The following PKHD1 variants were observed in gnomAD, a reference collection of about 807,000 sequenced individuals.
PKHD1 encodes the protein fibrocystin.
In PKHD1, 291 loss-of-function variants were observed where a neutral mutation model predicts 412.0. The observed-to-expected ratio is 0.71, with a 90% CI of 0.64 to 0.78. The LOEUF is 0.78. Ranked by LOEUF, PKHD1 falls within the 30% of genes least tolerant of loss-of-function variation. The pLI is 0.00. For missense variants in PKHD1, 4,825 were observed against 4,950.7 expected (o/e 0.97, Z 0.76); for synonymous variants, 1,777 against 1,821.5 (o/e 0.98, Z 0.62).
chr6:51,670,205 G>T (rs902597721), intron 60 of PKHD1, among the ~76,000 whole-genome samples: 15 of 151,094 alleles, frequency 9.9e-5, no homozygotes, highest in East Asian at 2.0e-4. Context: ...GGTCACTCAG[G>T]ACTTGCTTTA....
At chr6:51,680,856 G>A (rs1247000792) in intron 60 of PKHD1, among the ~76,000 whole-genome samples, 1 of 151,962 alleles carries the variant, frequency 6.6e-6, no homozygotes, top group Non-Finnish European at 1.5e-5. Flanking sequence ...TGAGAGCAAT[G>A]CCAATAAAAC....
At chr6:51,718,194 G>T (rs972907373) in intron 60 of PKHD1, among the ~76,000 whole-genome samples, 7 of 152,188 alleles carry the variant, frequency 4.6e-5, no homozygotes, top group African/African-American at 1.7e-4. Context: ...ATTAGACATT[G>T]CAGGGGAAAA....
Position 51,673,561 on chromosome 6 carries a change from C to T in PKHD1, c.10157-13592G>A, listed in dbSNP as rs1365147462. ...GCAGTCAAGGTTTTGAATGAGTTAGCCACCTTAAGAAAATCACGAAAGAGT... is the reference window on the plus strand; with the variant it reads ...GCAGTCAAGGTTTTGAATGAGTTAGTCACCTTAAGAAAATCACGAAAGAGT... On this transcript the variant is annotated intron_variant, in intron 60 of 66. Coordinates refer to ENST00000371117, the MANE Select transcript of PKHD1 (RefSeq NM_138694.4). 3.9e-5 allele frequency among the ~76,000 whole-genome samples: 6 copies of T among 152,146 alleles called. No homozygotes were observed. The East Asian group carries it at 1.2e-3, about 29-fold the overall frequency.
At chr6:51,770,716 T>C (rs1032559989) in intron 55 of PKHD1, among the ~76,000 whole-genome samples, 1 of 152,002 alleles carries the variant, frequency 6.6e-6, no homozygotes, top group Admixed American at 6.6e-5. Flanking sequence ...TATATGCTAT[T>C]CAAAATTCTA....
intron 27 of PKHD1, among the ~76,000 whole-genome samples, chr6:52,038,447 C>T (rs1399603291): frequency 1.3e-5 from 2 of 151,332 alleles, no homozygotes; most frequent in African/African-American, 2.4e-5. Context: ...AGGGAGGATA[C>T]CATATGAAGG....
chr6:51,812,135 G>T (rs1357978594), intron 52 of PKHD1, among the ~76,000 whole-genome samples: 1 of 152,150 alleles, frequency 6.6e-6, no homozygotes, highest in Non-Finnish European at 1.5e-5. Flanking sequence ...CTTTGTAGCT[G>T]TGGGACCCAG....
At chr6:51,840,358 T>G (rs1220676138) in intron 50 of PKHD1, among the ~76,000 whole-genome samples, 1 of 152,156 alleles carries the variant, frequency 6.6e-6, no homozygotes, top group African/African-American at 2.4e-5. Context: ...TACCTTTGAG[T>G]CTTCTATTAT....
intron 60 of PKHD1, among the ~76,000 whole-genome samples, chr6:51,734,500 T>A (rs982947671): frequency 2.6e-5 from 4 of 152,102 alleles, no homozygotes; most frequent in Admixed American, 2.6e-4. Flanking sequence ...TACTAGAAAT[T>A]CAAAGACATT....
chr6:51,796,738 CTTAATTTCATTATTTACTCAAGAGTCA>C (rs1359382734), intron 52 of PKHD1, among the ~76,000 whole-genome samples: 1 of 151,672 alleles, frequency 6.6e-6, no homozygotes, highest in African/African-American at 2.4e-5. Flanking sequence ...TGATTTCTGC[CTTAATTTCATTATTTACTCAAGAGTCA>C]TTCAGGAGGA....
At position 51,909,296 on chromosome 6, in the gene PKHD1, C is replaced by T. The variant is rs767457338; in HGVS notation, c.6669G>A (p.Val2223=). 7.4e-6 allele frequency: 12 copies of T among 1,613,328 alleles called. No individual in the cohort carries two copies. The highest frequency in any genetic ancestry group is 1.0e-5 in the Non-Finnish European group (12 of 1,179,478). ...FHKHLSSLTL[V]GAMRESFIQG... Reference sequence around the variant, plus strand: ...GGACCCCCTTACCTCTCATAGCTCCCACCAGAGTGAGTGAGCTCAGATGCT... The same window carrying T: ...GGACCCCCTTACCTCTCATAGCTCCTACCAGAGTGAGTGAGCTCAGATGCT... Residue 2223 remains valine (V), a synonymous_variant, in exon 40 of 67, where the codon GTG becomes GTA. Transcript: ENST00000371117.
At chr6:51,838,339 T>G (rs1769598360) in intron 50 of PKHD1, among the ~76,000 whole-genome samples, 1 of 152,174 alleles carries the variant, frequency 6.6e-6, no homozygotes, top group African/African-American at 2.4e-5. Flanking sequence ...AATCCTAGGT[T>G]TAATCTTGTA....
At position 51,855,924 on chromosome 6, in the gene PKHD1, GA is replaced by G; in HGVS notation, c.7879del (p.Ser2627LeufsTer40). 1 of 1,614,044 alleles carries G rather than the reference GA, an allele frequency of 6.2e-7. No homozygotes were observed. Among genetic ancestry groups the G allele is most frequent in the Non-Finnish European group, 8.5e-7 (1 of 1,179,870 alleles). ...LLDQETYSLQ[S>X]ENLWINRSLQ... ...AGATCTGTTGATCCAAAGGTTCTCAGATTGCAATGAGTAGGTCTCTTGGTCC... is the reference window on the plus strand; with the variant it reads ...AGATCTGTTGATCCAAAGGTTCTCAGTTGCAATGAGTAGGTCTCTTGGTCC... On this transcript the variant is annotated frameshift_variant, in exon 49 of 67. Transcript: ENST00000371117. LOFTEE classifies it high-confidence loss of function.
chr6:52,066,286 T>G (rs1400502852), intron 11 of PKHD1, among the ~76,000 whole-genome samples: 3 of 152,094 alleles, frequency 2.0e-5, no homozygotes, highest in African/African-American at 7.2e-5. Flanking sequence ...GATCAATATT[T>G]GAAAGGAAGG....
chr6:51,812,381 C>T (rs1274057878), intron 52 of PKHD1, among the ~76,000 whole-genome samples: 1 of 152,192 alleles, frequency 6.6e-6, no homozygotes, highest in East Asian at 1.9e-4. Context: ...GGATCCTCCT[C>T]TCAGCCAAGG....
chr6:52,010,509 G>T, intron 34 of PKHD1, 50 bp from the exon 35 acceptor site: 2 of 1,379,898 alleles, frequency 1.4e-6, no homozygotes, highest in Admixed American at 3.3e-5. Context: ...TTAATGAAAT[G>T]CAATTATTTT....
intron 21 of PKHD1, among the ~76,000 whole-genome samples, chr6:52,050,604 A>G (rs1806661467): frequency 6.6e-6 from 1 of 152,190 alleles, no homozygotes; most frequent in African/African-American, 2.4e-5. Context: ...TACACAGTTA[A>G]TCTATTGCAG....
At chr6:51,944,995 C>A (rs975740433) in intron 36 of PKHD1, among the ~76,000 whole-genome samples, 4 of 152,220 alleles carry the variant, frequency 2.6e-5, no homozygotes, top group African/African-American at 9.6e-5. Flanking sequence ...AGCAGTACCA[C>A]ACTGCTTACC....
intron 13 of PKHD1, 102 bp from the exon 14 acceptor site, chr6:52,062,762 C>T (rs185393316): frequency 5.6e-6 from 8 of 1,435,296 alleles, no homozygotes; most frequent in East Asian, 2.3e-5. Context: ...CCAGATGCTA[C>T]CTGTAAAGGT....
intron 11 of PKHD1, among the ~76,000 whole-genome samples, chr6:52,068,498 T>G (rs1050698025): frequency 6.6e-6 from 1 of 152,160 alleles, no homozygotes; most frequent in Non-Finnish European, 1.5e-5. Flanking sequence ...GGACATAAGA[T>G]TTGGAATTAG....
Sources: allele counts gnomAD v4.1 joint callset (sites outside exome capture counted in the v4.1 genomes callset), GRCh38; gene constraint gnomAD v4.1.1; transcripts MANE v1.5; gene names NCBI Gene and HGNC (gene_info 2026-07-23, HGNC 2026-07-21).